MYO18B: variants seen among roughly 807,000 people sequenced by gnomAD.
MYO18B encodes unconventional myosin-XVIIIb.
A neutral mutation model predicts 273.0 loss-of-function variants in MYO18B; 204 were observed. That is an observed-to-expected ratio of 0.75 (90% CI 0.67 to 0.84). The LOEUF (loss-of-function observed/expected upper bound fraction) is 0.84, where lower values mean the gene tolerates loss of function less well. Among genes scored for constraint, MYO18B ranks in the 40% least tolerant of loss-of-function variants. The pLI is 0.00. For missense variants in MYO18B, 3,212 were observed against 3,287.6 expected, an observed-to-expected ratio of 0.98 and a Z score of 0.56; for synonymous variants, 1,330 against 1,305.7, an observed-to-expected ratio of 1.02 and a Z score of -0.40.
At chr22:25,781,226 T>C (rs2087134734) in intron 9 of MYO18B, among the ~76,000 whole-genome samples, 1 of 152,204 alleles carries the variant, frequency 6.6e-6, no homozygotes, top group Non-Finnish European at 1.5e-5. Flanking sequence ...ATTTCCTAGG[T>C]GGACTCTGAA....
chr22:25,832,557 A>G (rs1419708429), intron 15 of MYO18B, among the ~76,000 whole-genome samples: 1 of 152,190 alleles, frequency 6.6e-6, no homozygotes, highest in East Asian at 1.9e-4. Flanking sequence ...CACTTACATA[A>G]GCTACTTAGA....
intron 33 of MYO18B, among the ~76,000 whole-genome samples, chr22:25,919,542 A>G (rs1334482268): frequency 6.6e-6 from 1 of 152,240 alleles, no homozygotes; most frequent in Non-Finnish European, 1.5e-5. Context: ...GTAAGCTATT[A>G]CTACATTTGT....
chr22:25,849,536 C>T (rs1418216211), intron 20 of MYO18B, among the ~76,000 whole-genome samples: 2 of 152,124 alleles, frequency 1.3e-5, no homozygotes, highest in Non-Finnish European at 2.9e-5. Context: ...TATTGAGTAC[C>T]TACTACGTAC....
intron 29 of MYO18B, chr22:25,901,625 A>G (rs1188702766): frequency 6.6e-6 from 1 of 152,178 alleles, no homozygotes; most frequent in African/African-American, 2.4e-5. Context: ...ATGCTTTAGT[A>G]TGGCATATGA....
intron 4 of MYO18B, among the ~76,000 whole-genome samples, chr22:25,769,803 G>A (rs753373391): frequency 2.0e-5 from 3 of 152,034 alleles, no homozygotes; most frequent in Non-Finnish European, 4.4e-5. Context: ...GGCCAGCCAT[G>A]GAGTCTCTCA....
chr22:25,743,196 C>T (rs139672378), intron 1 of MYO18B, among the ~76,000 whole-genome samples: 140 of 152,372 alleles, frequency 9.2e-4, no homozygotes, highest in African/African-American at 3.2e-3. Context: ...TGGAATACGA[C>T]GAGGCTGTTA....
Position 25,781,813 on chromosome 22 carries a change from C to T in MYO18B, c.2291C>T (p.Ala764Val), listed in dbSNP as rs2087172444. 1.9e-6 allele frequency: 3 copies of T among 1,588,064 alleles called. No homozygotes were observed. The highest frequency in any genetic ancestry group is 1.7e-6 in the Non-Finnish European group (2 of 1,168,644). ...TTCCTGGTTTTCTCCCAGATGCTGG[C>T]TGGATTGGACTTGGATCTCAGGTGA... ...SNFLVFSQML[A>V]GLDLDLRTEL... The change falls in exon 10 of 44, where the codon GCT (alanine) becomes GTT (valine). Residue 764 changes from alanine to valine, a missense_variant. Ala to Val is a moderately conservative substitution (Grantham distance 64, BLOSUM62 0). Transcript: ENST00000335473.
intron 7 of MYO18B, among the ~76,000 whole-genome samples, chr22:25,773,806 G>A (rs1314196053): frequency 6.6e-6 from 1 of 152,218 alleles, no homozygotes; most frequent in Non-Finnish European, 1.5e-5. Context: ...TCCTGAGCCA[G>A]AGTAGGCTTA....
chr22:25,751,086 T>C (rs1202566839), intron 1 of MYO18B, among the ~76,000 whole-genome samples: 1 of 152,200 alleles, frequency 6.6e-6, no homozygotes, highest in African/African-American at 2.4e-5. Flanking sequence ...ACTCAGAGAA[T>C]CCACCTCTTC....
At chr22:25,786,052 A>G (rs1020158498) in intron 11 of MYO18B, among the ~76,000 whole-genome samples, 6 of 152,172 alleles carry the variant, frequency 3.9e-5, no homozygotes, top group Non-Finnish European at 5.9e-5. Flanking sequence ...AAAAAAGCAA[A>G]TGGTTCACTG....
At chr22:26,020,206 C>T (rs563210450) in intron 42 of MYO18B, among the ~76,000 whole-genome samples, 11 of 152,262 alleles carry the variant, frequency 7.2e-5, no homozygotes, top group African/African-American at 2.4e-4. Flanking sequence ...TGATGAGATG[C>T]TGCATACGAT....
At chr22:25,861,281 T>G (rs933724063) in intron 21 of MYO18B, among the ~76,000 whole-genome samples, 1 of 152,232 alleles carries the variant, frequency 6.6e-6, no homozygotes, top group African/African-American at 2.4e-5. Context: ...TATCCTGTCA[T>G]TCTATGCATT....
At chr22:25,917,564 G>GTA (rs1555944251) in intron 33 of MYO18B, among the ~76,000 whole-genome samples, 1 of 151,602 alleles carries the variant, frequency 6.6e-6, no homozygotes, top group African/African-American at 2.4e-5. Context: ...GTGTGTGTGT[G>GTA]TGTGTGTGTG....
the MYO18B span, among the ~76,000 whole-genome samples, chr22:26,055,847 G>T: frequency 6.6e-6 from 1 of 152,184 alleles, no homozygotes; most frequent in Non-Finnish European, 1.5e-5. Flanking sequence ...GGCACCTAAT[G>T]AGGCAAGGAC....
At chr22:25,972,710 C>T (rs1049465230) in intron 39 of MYO18B, among the ~76,000 whole-genome samples, 2 of 152,164 alleles carry the variant, frequency 1.3e-5, no homozygotes, top group Non-Finnish European at 2.9e-5. Flanking sequence ...AATCCCAGCA[C>T]TCTGGGAAGC....
At chr22:26,019,328 T>G (rs5019557) in intron 42 of MYO18B, among the ~76,000 whole-genome samples, 56,155 of 152,096 alleles carry the variant, frequency 0.37, 11,615 homozygotes, top group East Asian at 0.76. Flanking sequence ...GTAGGACTCC[T>G]TGGTTTAAAT....
chr22:25,955,550 C>G (rs1459177065), intron 39 of MYO18B, among the ~76,000 whole-genome samples, 186 bp downstream of exon 39: 1 of 152,118 alleles, frequency 6.6e-6, no homozygotes, highest in Non-Finnish European at 1.5e-5. Context: ...GGCTGCAAAC[C>G]CTGGAGGTGG....
chr22:25,852,644 T>G (rs781600456), intron 21 of MYO18B, among the ~76,000 whole-genome samples: 8 of 152,162 alleles, frequency 5.3e-5, no homozygotes, highest in Non-Finnish European at 7.3e-5. Context: ...TACACTCCAT[T>G]TACAAAAGAG....
intron 33 of MYO18B, among the ~76,000 whole-genome samples, chr22:25,914,723 G>A (rs1404426404): frequency 1.2e-5 from 1 of 85,902 alleles, no homozygotes; most frequent in Non-Finnish European, 2.0e-5. Context: ...TTGAGATGGA[G>A]TCTCGCTCTG....
Sources: gnomAD v4.1 joint callset for allele counts (sites outside exome capture counted in the v4.1 genomes callset) on GRCh38, gnomAD v4.1.1 for gene constraint, MANE v1.5 for transcripts, NCBI Gene and HGNC (gene_info 2026-07-23, HGNC 2026-07-21) for gene names.